Variants in PCDHGB7 observed in about 807,000 individuals in gnomAD.
PCDHGB7 encodes the protein protocadherin gamma subfamily B, 7.
Under a neutral mutation model 61.4 loss-of-function variants are expected in PCDHGB7, and 37 were observed. The ratio of observed to expected loss-of-function variants is 0.60; its 90% CI spans 0.46 to 0.79. The LOEUF (loss-of-function observed/expected upper bound fraction) is 0.79, where lower values mean the gene tolerates loss of function less well. PCDHGB7 is among the 30% of genes least tolerant of loss of function. The pLI, the probability that PCDHGB7 is intolerant of heterozygous loss-of-function variation, is 0.00. For missense variants in PCDHGB7, 1,166 were observed against 1,202.5 expected, an observed-to-expected ratio of 0.97 and a Z score of 0.45; for synonymous variants, 464 against 503.5, an observed-to-expected ratio of 0.92 and a Z score of 1.05.
chr5:141,455,725 C>T (rs1001661569), intron 1 of PCDHGB7, among the ~76,000 whole-genome samples: 4 of 152,136 alleles, frequency 2.6e-5, no homozygotes, highest in South Asian at 2.1e-4. Context: ...TAATGGCCTG[C>T]ATTTGCATAT....
chr5:141,510,984 C>G lies in PCDHGB7; in HGVS notation c.2601C>G (p.Ala867=). ...ADGSSTLGGG[A]GTMGLSARYG... ...GGAGCTCCACCCTGGGAGGGGGTGC[C>G]GGCACCATGGGATTGAGCGCCCGCT... The change falls in exon 4 of 4, where the codon GCC becomes GCG. Residue 867 remains alanine (A), a synonymous_variant. Transcript: ENST00000398594. The G allele has an allele frequency of 1.2e-6, 2 of 1,614,162 alleles. No homozygotes were observed. The highest frequency in any genetic ancestry group is 1.7e-6 in the Non-Finnish European group (2 of 1,180,012).
intron 1 of PCDHGB7, among the ~76,000 whole-genome samples, chr5:141,458,876 G>T (rs187470646): frequency 5.0e-4 from 76 of 152,248 alleles, no homozygotes; most frequent in African/African-American, 1.7e-3. Context: ...GGGACTACAG[G>T]CATGCACACC....
At chr5:141,420,824 C>T (rs1282369085) in intron 1 of PCDHGB7, among the ~76,000 whole-genome samples, 1 of 152,216 alleles carries the variant, frequency 6.6e-6, no homozygotes, top group Admixed American at 6.5e-5. Context: ...TTAATAATTA[C>T]TCCTTTCGCA....
Position 141,490,652 on chromosome 5 carries a change from C to T in PCDHGB7, c.2416-4155C>T, listed in dbSNP as rs1277273880. The T allele has an allele frequency of 1.2e-6, 2 of 1,614,208 alleles. No individual in the cohort carries two copies. The highest frequency in any genetic ancestry group is 1.7e-6 in the Non-Finnish European group (2 of 1,180,026). On this transcript the variant is annotated intron_variant, in intron 1 of 3. Coordinates refer to ENST00000398594, the MANE Select transcript of PCDHGB7 (RefSeq NM_018927.4). The surrounding 1 kb of genome is among the most constrained non-coding windows in gnomAD (Gnocchi z 5.4). ...ATCCTAGAAAACCGGCCTCCGGGCT[C>T]CCTTCTTTGCACTGTGGCTGCCTCA...
intron 1 of PCDHGB7, among the ~76,000 whole-genome samples, chr5:141,450,726 A>G (rs1302961852): frequency 2.0e-5 from 3 of 151,932 alleles, no homozygotes; most frequent in Admixed American, 2.0e-4. Flanking sequence ...ACCTCAGGTG[A>G]TCCGCCCGCC....
At chr5:141,468,849 G>C (rs1349849817) in intron 1 of PCDHGB7, among the ~76,000 whole-genome samples, 2 of 152,058 alleles carry the variant, frequency 1.3e-5, no homozygotes, top group East Asian at 3.9e-4. Flanking sequence ...CTGGGCAACA[G>C]AGCGAGACTC....
chr5:141,465,049 T>G (rs546927594), intron 1 of PCDHGB7, among the ~76,000 whole-genome samples: 1 of 152,016 alleles, frequency 6.6e-6, no homozygotes, highest in Non-Finnish European at 1.5e-5. Flanking sequence ...ACCCTATATA[T>G]TTTTTTGAAT....
intron 1 of PCDHGB7, among the ~76,000 whole-genome samples, chr5:141,464,431 A>G (rs1352563675): frequency 6.6e-6 from 1 of 151,648 alleles, no homozygotes; most frequent in Non-Finnish European, 1.5e-5. Flanking sequence ...ATATAGATAT[A>G]TATGTTTGTT....
intron 1 of PCDHGB7, chr5:141,430,575 A>T (rs1056696427): frequency 2.2e-6 from 1 of 455,822 alleles, no homozygotes; most frequent in Non-Finnish European, 3.7e-6. Flanking sequence ...AAAAGCGGAG[A>T]TCCTGCTCGC....
chr5:141,509,572 G>T (rs955898202), intron 3 of PCDHGB7, among the ~76,000 whole-genome samples: 24 of 152,300 alleles, frequency 1.6e-4, no homozygotes, highest in Middle Eastern at 3.4e-3. Context: ...CCTTCACAGT[G>T]CGTACAAATC....
chr5:141,465,966 C>CA (rs2099113454), intron 1 of PCDHGB7, among the ~76,000 whole-genome samples: 1 of 151,802 alleles, frequency 6.6e-6, no homozygotes, highest in Non-Finnish European at 1.5e-5. Flanking sequence ...ACTAAAAATA[C>CA]AAAAAATTAG....
At position 141,431,735 on chromosome 5, in the gene PCDHGB7, G is replaced by A. The variant is rs2097411908; in HGVS notation, c.2415+11461G>A. 1.2e-6 allele frequency: 2 copies of A among 1,614,118 alleles called. No homozygotes were observed. Among genetic ancestry groups the A allele is most frequent in the Non-Finnish European group, 1.7e-6 (2 of 1,180,056 alleles). On this transcript the variant is annotated intron_variant, in intron 1 of 3. Transcript: ENST00000398594. The surrounding 1 kb of genome is among the most constrained non-coding windows in gnomAD (Gnocchi z 4.8). ...GGAAGTGCAAGCAATGGATAATGCAGGATATTCTGCGCGAGCCAAAGTCCT... is the reference window on the plus strand; with the variant it reads ...GGAAGTGCAAGCAATGGATAATGCAAGATATTCTGCGCGAGCCAAAGTCCT...
chr5:141,424,556 G>C (rs2096828013), intron 1 of PCDHGB7: 1 of 152,128 alleles, frequency 6.6e-6, no homozygotes, highest in South Asian at 2.1e-4. Context: ...TTGATTCAGT[G>C]CTTCTCAAAA....
chr5:141,491,794 TCCGG>T lies in PCDHGB7; in HGVS notation c.2416-3007_2416-3004del. The T allele has an allele frequency of 6.6e-7, 1 of 1,511,056 alleles. No homozygotes were observed. The highest frequency in any genetic ancestry group is 8.8e-7 in the Non-Finnish European group (1 of 1,130,146). 93.6% of individuals were successfully genotyped at this position (1,511,056 alleles called of 1,614,324 possible). A position where few individuals can be genotyped will look rare whatever the true frequency, so the allele number is the denominator to read the frequency against. Reference sequence around the variant, plus strand: ...GGGATTGAACTTGCATCCACTCCTCTCCGGCCGGCTTGGTCGCTGGCTGCGCTCC... The same window carrying T: ...GGGATTGAACTTGCATCCACTCCTCTCCGGCTTGGTCGCTGGCTGCGCTCC... On this transcript the variant is annotated intron_variant, in intron 1 of 3. Transcript: ENST00000398594. The surrounding 1 kb of genome is among the most constrained non-coding windows in gnomAD (Gnocchi z 6.9).
chr5:141,442,650 G>A (rs192694987), intron 1 of PCDHGB7, among the ~76,000 whole-genome samples: 83 of 152,350 alleles, frequency 5.4e-4, no homozygotes, highest in Admixed American at 9.1e-4. Flanking sequence ...CCTAAGATGA[G>A]AAATATTTGG....
intron 1 of PCDHGB7, among the ~76,000 whole-genome samples, chr5:141,430,380 TG>T (rs1376875091): frequency 6.8e-6 from 1 of 147,890 alleles, no homozygotes; most frequent in Non-Finnish European, 1.5e-5. Flanking sequence ...AAAAGCTCAT[TG>T]GGAAAAAAAA....
chr5:141,419,313 G>T lies in PCDHGB7; in HGVS notation c.1454G>T (p.Gly485Val). 1 of 1,613,974 alleles carries T rather than the reference G, an allele frequency of 6.2e-7. No homozygotes were observed. Among genetic ancestry groups the T allele is most frequent in the Non-Finnish European group, 8.5e-7 (1 of 1,179,902 alleles). The change falls in exon 1 of 4, where the codon GGC becomes GTC. Residue 485 changes from glycine (G) to valine (V), a missense_variant. Transcript: ENST00000398594. ...SASDPDFGLN[G>V]RVSYSLIASD... ...TCTGACCCAGACTTCGGGCTCAACGGCCGTGTCTCCTACTCTCTCATTGCC... is the reference window on the plus strand; with the variant it reads ...TCTGACCCAGACTTCGGGCTCAACGTCCGTGTCTCCTACTCTCTCATTGCC...
At position 141,418,829 on chromosome 5, in the gene PCDHGB7, C is replaced by T; in HGVS notation, c.970C>T (p.Arg324Ter). Residue 324 changes from arginine (R) to a stop codon, truncating the protein, a stop_gained, in exon 1 of 4, where the codon CGA becomes TGA. Transcript: ENST00000398594. LOFTEE classifies it high-confidence loss of function. ...RYTINIEAKD[R>*]GSLSTRCKVI... is the part of the protein sequence containing the mutation. ...TACGATAAACATAGAAGCAAAAGAC[C>T]GAGGATCTCTCTCAACACGGTGTAA... 1 of 1,613,856 alleles carries T rather than the reference C, an allele frequency of 6.2e-7. No individual in the cohort carries two copies. Among genetic ancestry groups the T allele is most frequent in the Non-Finnish European group, 8.5e-7 (1 of 1,179,824 alleles).
intron 1 of PCDHGB7, among the ~76,000 whole-genome samples, chr5:141,464,984 C>T (rs1345385418): frequency 1.3e-5 from 2 of 152,034 alleles, no homozygotes; most frequent in Non-Finnish European, 2.9e-5. Flanking sequence ...TCAAGTGATC[C>T]TCCCACCTCA....
Sources: gnomAD v4.1 joint callset for allele counts (sites outside exome capture counted in the v4.1 genomes callset) on GRCh38, gnomAD v4.1.1 for gene constraint, Gnocchi (gnomAD v3.1) non-coding constraint, MANE v1.5 for transcripts, NCBI Gene and HGNC (gene_info 2026-07-23, HGNC 2026-07-21) for gene names.